The following STARD13 variants were observed in gnomAD, a reference collection of about 807,000 sequenced individuals.
The protein encoded by STARD13 is StAR related lipid transfer domain containing 13.
Under a neutral mutation model 106.4 loss-of-function variants are expected in STARD13, and 62 were observed. The ratio of observed to expected loss-of-function variants is 0.58; its 90% CI spans 0.48 to 0.72. STARD13 has a LOEUF of 0.72. Among genes scored for constraint, STARD13 ranks in the 30% least tolerant of loss-of-function variants. STARD13 has a pLI of 0.00. For synonymous variants in STARD13, 565 were observed against 553.0 expected, an observed-to-expected ratio of 1.02 and a Z score of -0.31; for missense variants, 1,387 against 1,424.0, an observed-to-expected ratio of 0.97 and a Z score of 0.42.
the STARD13 span, among the ~76,000 whole-genome samples, chr13:33,534,954 G>A: frequency 2.0e-5 from 3 of 152,046 alleles, no homozygotes; most frequent in African/African-American, 7.2e-5. Context: ...TGTGGCTCAC[G>A]CCTGTAATCC....
chr13:33,439,144 A>G, the STARD13 span, among the ~76,000 whole-genome samples: 1 of 152,216 alleles, frequency 6.6e-6, no homozygotes, highest in East Asian at 1.9e-4. Flanking sequence ...AAGTACAACA[A>G]CAGCTGCTAA....
chr13:33,370,880 C>T, the STARD13 span, among the ~76,000 whole-genome samples: 1 of 152,056 alleles, frequency 6.6e-6, no homozygotes, highest in Non-Finnish European at 1.5e-5. Context: ...CTCGGCCTCC[C>T]AAAGTGCTGA....
At chr13:33,475,905 C>T in the STARD13 span, among the ~76,000 whole-genome samples, 5 of 151,666 alleles carry the variant, frequency 3.3e-5, no homozygotes, top group African/African-American at 9.7e-5. Context: ...TGCAGCGAGC[C>T]GAGATGGCGC....
intron 1 of STARD13, chr13:33,205,860 C>A: frequency 3.0e-6 from 3 of 985,442 alleles, no homozygotes; most frequent in South Asian, 4.7e-5. Context: ...ACCTTTCAAA[C>A]AAAACCCCTC....
the STARD13 span, among the ~76,000 whole-genome samples, chr13:33,550,810 A>G: frequency 2.0e-5 from 3 of 152,038 alleles, no homozygotes; most frequent in South Asian, 6.2e-4. Flanking sequence ...TTGCTTTTCT[A>G]TTTTTCATTA....
At chr13:33,314,768 C>G (rs1398739242) in intron 1 of STARD13, among the ~76,000 whole-genome samples, 1 of 152,178 alleles carries the variant, frequency 6.6e-6, no homozygotes, top group Non-Finnish European at 1.5e-5. Flanking sequence ...TAGAACACCA[C>G]AGCTGGGTTC....
At position 33,129,817 on chromosome 13, in the gene STARD13, C is replaced by G; in HGVS notation, c.860G>C (p.Ser287Thr). 1 of 1,613,416 alleles carries G rather than the reference C, an allele frequency of 6.2e-7. No individual in the cohort carries two copies. Among genetic ancestry groups the G allele is most frequent in the South Asian group, 1.1e-5 (1 of 91,086 alleles). ...GSGRTGGLVI[S>T]GPMLQQEPES... ...TGGCTCCTGCTGCAACATGGGCCCA[C>G]TGATCACCAGGCCACCTGTCCGCCC... is the stretch of plus-strand genomic sequence containing the variant. The change falls in exon 5 of 14, where the codon AGT becomes ACT. Residue 287 changes from serine (S) to threonine (T), a missense_variant. Physicochemically the swap from Ser to Thr is moderately conservative, Grantham distance 58. Coordinates refer to ENST00000336934, the MANE Select transcript of STARD13 (RefSeq NM_178006.4).
Position 33,257,541 on chromosome 13 carries a change from A to G in STARD13, c.169+27929T>C, listed in dbSNP as rs554521406. Reference sequence around the variant, plus strand: ...TGCCTTGGAGCCCTGGAGCCTGAAGACATTTGAGATGGATACACCTAAGGA... The same window carrying G: ...TGCCTTGGAGCCCTGGAGCCTGAAGGCATTTGAGATGGATACACCTAAGGA... On this transcript the variant is annotated intron_variant, in intron 1 of 13. Coordinates refer to ENST00000336934, the MANE Select transcript of STARD13 (RefSeq NM_178006.4). 2.1e-3 allele frequency among the ~76,000 whole-genome samples: 323 copies of G among 152,310 alleles called. 4 individuals carry two copies. Among genetic ancestry groups the G allele is most frequent in the African/African-American group, 7.0e-3 (292 of 41,566 alleles).
At chr13:33,623,236 T>G in the STARD13 span, among the ~76,000 whole-genome samples, 3 of 152,080 alleles carry the variant, frequency 2.0e-5, no homozygotes, top group African/African-American at 7.2e-5. Flanking sequence ...AGATATAAAA[T>G]GTTTTAATGC....
the STARD13 span, among the ~76,000 whole-genome samples, chr13:33,379,076 C>T: frequency 6.6e-6 from 1 of 152,130 alleles, no homozygotes; most frequent in Non-Finnish European, 1.5e-5. Flanking sequence ...CGCCACTGCA[C>T]TCCAGCCTGG....
the STARD13 span, among the ~76,000 whole-genome samples, chr13:33,544,983 T>A: frequency 5.9e-5 from 9 of 151,520 alleles, no homozygotes; most frequent in Admixed American, 4.6e-4. Flanking sequence ...GAGACGGGGT[T>A]TTGCTCTTGT....
intron 1 of STARD13, among the ~76,000 whole-genome samples, chr13:33,212,282 C>T (rs1479817423): frequency 6.6e-6 from 1 of 152,154 alleles, no homozygotes; most frequent in Non-Finnish European, 1.5e-5. Flanking sequence ...TAAATGAAAA[C>T]ATTTATTAAG....
At chr13:33,299,925 A>G (rs1892646905) in intron 1 of STARD13, among the ~76,000 whole-genome samples, 1 of 152,344 alleles carries the variant, frequency 6.6e-6, no homozygotes, top group East Asian at 1.9e-4. Flanking sequence ...CTACAACTGC[A>G]TGCAATATGT....
the STARD13 span, among the ~76,000 whole-genome samples, chr13:33,579,657 A>G: frequency 6.7e-6 from 1 of 149,254 alleles, no homozygotes; most frequent in Non-Finnish European, 1.5e-5. Context: ...TAATTTATAT[A>G]TTATATATAA....
chr13:33,579,124 C>A, the STARD13 span, among the ~76,000 whole-genome samples: 1 of 152,048 alleles, frequency 6.6e-6, no homozygotes, highest in Non-Finnish European at 1.5e-5. Context: ...GTAATTCTAC[C>A]ATTTGACCCA....
At chr13:33,349,397 A>C (rs951447786) in intron 1 of STARD13, among the ~76,000 whole-genome samples, 6 of 152,100 alleles carry the variant, frequency 3.9e-5, no homozygotes, top group African/African-American at 1.4e-4. Flanking sequence ...ACGTTCCCTT[A>C]TTGGGGCAGG....
the STARD13 span, among the ~76,000 whole-genome samples, chr13:33,369,242 T>C: frequency 6.6e-6 from 1 of 151,976 alleles, no homozygotes; most frequent in East Asian, 1.9e-4. Context: ...TCTGAAAGCA[T>C]TGAGACATTT....
At chr13:33,526,934 C>G in the STARD13 span, among the ~76,000 whole-genome samples, 4 of 152,006 alleles carry the variant, frequency 2.6e-5, no homozygotes, top group Non-Finnish European at 5.9e-5. Context: ...TAAATAATGA[C>G]AGTGGTTTGA....
chr13:33,618,677 T>G, the STARD13 span, among the ~76,000 whole-genome samples: 5 of 152,064 alleles, frequency 3.3e-5, no homozygotes, highest in Admixed American at 3.3e-4. Flanking sequence ...AGAAAAAAAC[T>G]GAATCTTTCC....
Sources: allele counts gnomAD v4.1 joint callset (sites outside exome capture counted in the v4.1 genomes callset), GRCh38; gene constraint gnomAD v4.1.1; transcripts MANE v1.5; gene names NCBI Gene and HGNC (gene_info 2026-07-23, HGNC 2026-07-21).